Variants in SLC24A3 observed in about 807,000 individuals in gnomAD.
The protein encoded by SLC24A3 is sodium/potassium/calcium exchanger 3.
Under a neutral mutation model 75.8 loss-of-function variants are expected in SLC24A3, and 28 were observed. The observed-to-expected ratio is 0.37, with a 90% CI of 0.27 to 0.51. The LOEUF is 0.51. SLC24A3 is among the 20% of genes least tolerant of loss of function. SLC24A3 has a pLI of 0.94. For synonymous variants in SLC24A3, 372 were observed against 334.1 expected, an observed-to-expected ratio of 1.11 and a Z score of -1.24; for missense variants, 663 against 847.8, an observed-to-expected ratio of 0.78 and a Z score of 2.71.
chr20:19,319,806 G>A (rs1461899645), intron 2 of SLC24A3, among the ~76,000 whole-genome samples: 1 of 152,134 alleles, frequency 6.6e-6, no homozygotes, highest in Non-Finnish European at 1.5e-5. Context: ...AGAGCATCTT[G>A]GTATTTTAAC....
chr20:19,232,314 T>C (rs1982046216), intron 1 of SLC24A3, among the ~76,000 whole-genome samples: 1 of 152,238 alleles, frequency 6.6e-6, no homozygotes, highest in Non-Finnish European at 1.5e-5. Flanking sequence ...ATTTTATGAA[T>C]ATTTTTATGA....
chr20:19,618,634 A>G (rs922824237), intron 6 of SLC24A3, among the ~76,000 whole-genome samples: 1 of 152,202 alleles, frequency 6.6e-6, no homozygotes, highest in African/African-American at 2.4e-5. Context: ...CAACTAGGTG[A>G]CCTTAACCAA....
chr20:19,276,715 G>A (rs958774437), intron 1 of SLC24A3, among the ~76,000 whole-genome samples: 1 of 152,084 alleles, frequency 6.6e-6, no homozygotes, highest in African/African-American at 2.4e-5. Context: ...GACCAGCCTG[G>A]GCAACATAGT....
chr20:19,346,368 GTGGTGTATATATATGGTATATATA>G (rs1261561434), intron 2 of SLC24A3, among the ~76,000 whole-genome samples: 28 of 113,468 alleles, frequency 2.5e-4, no homozygotes, highest in Middle Eastern at 5.9e-3. Flanking sequence ...GTATATATAT[GTGGTGTATATATATGGTATATATA>G]TGGTGTATAT....
intron 6 of SLC24A3, among the ~76,000 whole-genome samples, chr20:19,639,922 C>T (rs1437116208): frequency 1.3e-5 from 2 of 152,268 alleles, no homozygotes; most frequent in African/African-American, 2.4e-5. Context: ...TGGCCGGCTG[C>T]TCCGAGTGCG....
intron 3 of SLC24A3, among the ~76,000 whole-genome samples, chr20:19,574,641 C>G (rs897419310): frequency 1.3e-5 from 2 of 152,222 alleles, no homozygotes; most frequent in Non-Finnish European, 2.9e-5. Flanking sequence ...GGCATGTTCT[C>G]ATGGCATCAT....
intron 1 of SLC24A3, among the ~76,000 whole-genome samples, chr20:19,249,492 C>T (rs879284772): frequency 5.3e-5 from 8 of 152,220 alleles, no homozygotes; most frequent in Non-Finnish European, 1.2e-4. Flanking sequence ...AACATCCCCA[C>T]GGTCAGCTGC....
intron 2 of SLC24A3, among the ~76,000 whole-genome samples, chr20:19,314,862 A>G (rs183130794): frequency 7.9e-5 from 12 of 152,362 alleles, no homozygotes; most frequent in Non-Finnish European, 1.6e-4. Flanking sequence ...GACTGTGGGC[A>G]GGAAGTCTGA....
At chr20:19,229,789 C>T (rs1184218875) in intron 1 of SLC24A3, among the ~76,000 whole-genome samples, 1 of 152,070 alleles carries the variant, frequency 6.6e-6, no homozygotes, top group East Asian at 1.9e-4. Context: ...TTTTCCTCTT[C>T]ATTCTGTAAG....
intron 2 of SLC24A3, among the ~76,000 whole-genome samples, chr20:19,478,789 G>A (rs1988003561): frequency 6.6e-6 from 1 of 152,206 alleles, no homozygotes; most frequent in African/African-American, 2.4e-5. Flanking sequence ...GTTACATGAT[G>A]AGGAACTGCA....
intron 1 of SLC24A3, among the ~76,000 whole-genome samples, chr20:19,222,783 C>CCCTTCCTTCCGTCCTTCCTTCCTT (rs1981756650): frequency 1.3e-5 from 1 of 75,804 alleles, no homozygotes; most frequent in African/African-American, 5.3e-5. Flanking sequence ...TCCCCTCCCT[C>CCCTTCCTTCCGTCCTTCCTTCCTT]CCTTCCTTCC....
chr20:19,663,203 G>C (rs1158233268), intron 7 of SLC24A3, among the ~76,000 whole-genome samples: 1 of 151,774 alleles, frequency 6.6e-6, no homozygotes, highest in African/African-American at 2.4e-5. Context: ...AAGGTGCTAG[G>C]ATTGCAGGCA....
At chr20:19,262,169 C>T (rs1192067433) in intron 1 of SLC24A3, among the ~76,000 whole-genome samples, 4 of 151,734 alleles carry the variant, frequency 2.6e-5, no homozygotes, top group Admixed American at 2.0e-4. Flanking sequence ...TTTGGGAGGC[C>T]GAGGCGGGCG....
rs78337102 is a variant in SLC24A3 at position 19,681,107 on chromosome 20, C to G, written c.768-751C>G. 8.3e-4 allele frequency among the ~76,000 whole-genome samples: 126 copies of G among 152,258 alleles called. No homozygotes were observed. In the South Asian group the frequency reaches 0.016, roughly 19 times the overall value. On this transcript the variant is annotated intron_variant, in intron 9 of 16. Coordinates refer to ENST00000328041, the MANE Select transcript of SLC24A3 (RefSeq NM_020689.4). ...CTGTGGGAATCTTCTCATACTAAAGCTAGGGAGACTGTAAAAAACCATCCT... is the reference window on the plus strand; with the variant it reads ...CTGTGGGAATCTTCTCATACTAAAGGTAGGGAGACTGTAAAAAACCATCCT...
intron 3 of SLC24A3, among the ~76,000 whole-genome samples, chr20:19,521,002 G>A (rs1280830785): frequency 6.6e-6 from 1 of 152,162 alleles, no homozygotes; most frequent in Non-Finnish European, 1.5e-5. Context: ...GAAGGAGGGA[G>A]GCTAGTCACA....
At chr20:19,609,649 GA>G (rs2100154868) in intron 6 of SLC24A3, among the ~76,000 whole-genome samples, 1 of 152,024 alleles carries the variant, frequency 6.6e-6, no homozygotes, top group Admixed American at 6.6e-5. Context: ...AAATTTTTAA[GA>G]AAACATTAGG....
intron 3 of SLC24A3, among the ~76,000 whole-genome samples, chr20:19,532,145 C>T (rs1235340728): frequency 3.9e-5 from 6 of 152,208 alleles, no homozygotes; most frequent in African/African-American, 1.4e-4. Flanking sequence ...TCAGTTTTCT[C>T]AGCTTTTGAT....
chr20:19,494,230 C>A (rs1445517743), intron 2 of SLC24A3, among the ~76,000 whole-genome samples: 3 of 152,204 alleles, frequency 2.0e-5, no homozygotes, highest in African/African-American at 7.2e-5. Context: ...ATAAGTCATG[C>A]CTGTGGAAAA....
chr20:19,451,290 G>A (rs185731558), intron 2 of SLC24A3, among the ~76,000 whole-genome samples: 2 of 152,290 alleles, frequency 1.3e-5, no homozygotes, highest in East Asian at 1.9e-4. Context: ...AAAGGTCCTT[G>A]GGCATTGCAC....
Sources: gnomAD v4.1 joint callset for allele counts (sites outside exome capture counted in the v4.1 genomes callset) on GRCh38, gnomAD v4.1.1 for gene constraint, MANE v1.5 for transcripts, NCBI Gene and HGNC (gene_info 2026-07-23, HGNC 2026-07-21) for gene names.